Variants in MAGI1 observed in about 807,000 individuals in gnomAD.
MAGI1 encodes the protein membrane associated guanylate kinase, WW and PDZ domain containing 1.
A neutral mutation model predicts 139.9 loss-of-function variants in MAGI1; 58 were observed. The ratio of observed to expected loss-of-function variants is 0.41; its 90% CI spans 0.34 to 0.52. The LOEUF (loss-of-function observed/expected upper bound fraction) is 0.52. Among genes scored for constraint, MAGI1 ranks in the 20% least tolerant of loss-of-function variants. The pLI, the probability that MAGI1 is intolerant of heterozygous loss-of-function variation, is 0.12. For missense variants in MAGI1, 1,874 were observed against 1,901.6 expected (o/e 0.99, Z 0.27); for synonymous variants, 812 against 737.9 (o/e 1.10, Z -1.63).
chr3:65,753,115 A>G (rs1485148484), intron 1 of MAGI1, among the ~76,000 whole-genome samples: 2 of 152,176 alleles, frequency 1.3e-5, no homozygotes, highest in African/African-American at 4.8e-5. Flanking sequence ...AACTTACGTC[A>G]TAGTGCAACA....
intron 1 of MAGI1, among the ~76,000 whole-genome samples, chr3:65,884,005 G>C (rs539728239): frequency 6.6e-6 from 1 of 152,222 alleles, no homozygotes; most frequent in South Asian, 2.1e-4. Flanking sequence ...AAATCAGAAA[G>C]AAGGAAAATG....
At chr3:65,932,010 G>C (rs1206579496) in intron 1 of MAGI1, among the ~76,000 whole-genome samples, 1 of 152,146 alleles carries the variant, frequency 6.6e-6, no homozygotes, top group Non-Finnish European at 1.5e-5. Flanking sequence ...ATCAGCCACA[G>C]AGATAAATCA....
intron 1 of MAGI1, among the ~76,000 whole-genome samples, chr3:65,817,699 T>C (rs964702943): frequency 6.6e-6 from 1 of 152,218 alleles, no homozygotes; most frequent in African/African-American, 2.4e-5. Flanking sequence ...TCAGTTGCTT[T>C]GAGGACACAA....
At chr3:65,372,384 A>G (rs1000838429) in intron 18 of MAGI1, among the ~76,000 whole-genome samples, 4 of 152,128 alleles carry the variant, frequency 2.6e-5, no homozygotes, top group Non-Finnish European at 5.9e-5. Flanking sequence ...TACTCAATAA[A>G]CCACAGCACA....
At chr3:65,830,805 C>A (rs1347699557) in intron 1 of MAGI1, among the ~76,000 whole-genome samples, 4 of 152,068 alleles carry the variant, frequency 2.6e-5, no homozygotes, top group Non-Finnish European at 5.9e-5. Flanking sequence ...AACAATGGGA[C>A]CTCCATTGTT....
chr3:65,725,720 G>A (rs1292713051), intron 1 of MAGI1, among the ~76,000 whole-genome samples: 3 of 152,184 alleles, frequency 2.0e-5, no homozygotes, highest in African/African-American at 7.2e-5. Flanking sequence ...CCAGATCCTG[G>A]AATAAGTAGC....
chr3:66,015,918 G>A (rs1345646484), intron 1 of MAGI1, among the ~76,000 whole-genome samples: 1 of 152,150 alleles, frequency 6.6e-6, no homozygotes. Flanking sequence ...TGACTAAATT[G>A]AGACTTCAAG....
rs375272067 is a variant in MAGI1 at position 65,930,992 on chromosome 3, T to G, written c.313+107004A>C. ...AAATAGCCAACAATCAGTCCATGCT[T>G]CTGCTCTGCCTACGAAGTAGCTATT... On this transcript the variant is annotated intron_variant, in intron 1 of 22. Coordinates refer to ENST00000402939, the MANE Select transcript of MAGI1 (RefSeq NM_001033057.2). Among the ~76,000 whole-genome samples the G allele has an allele frequency of 2.6e-4, 39 of 152,120 alleles. No individual in the cohort carries two copies. The East Asian group carries it at 5.6e-3, about 22-fold the overall frequency.
intron 14 of MAGI1, among the ~76,000 whole-genome samples, chr3:65,390,632 C>T (rs542210363): frequency 6.6e-6 from 1 of 152,214 alleles, no homozygotes; most frequent in South Asian, 2.1e-4. Flanking sequence ...TAAAGCACAA[C>T]CACTCACTGC....
intron 1 of MAGI1, among the ~76,000 whole-genome samples, chr3:65,661,576 C>G (rs905998251): frequency 9.9e-5 from 15 of 152,064 alleles, no homozygotes; most frequent in Non-Finnish European, 2.1e-4. Flanking sequence ...CTTGAGCAAG[C>G]CACTTCTTGT....
chr3:65,736,684 A>T (rs1342502753), intron 1 of MAGI1, among the ~76,000 whole-genome samples: 1 of 152,176 alleles, frequency 6.6e-6, no homozygotes, highest in Non-Finnish European at 1.5e-5. Flanking sequence ...AGAGAGAACA[A>T]GTTCGCCCTT....
At chr3:65,995,570 T>G (rs887872669) in intron 1 of MAGI1, among the ~76,000 whole-genome samples, 7 of 152,040 alleles carry the variant, frequency 4.6e-5, no homozygotes, top group African/African-American at 1.4e-4. Context: ...AGATCCTAAA[T>G]GTATCACGAG....
chr3:65,852,202 C>T (rs2059228728), intron 1 of MAGI1, among the ~76,000 whole-genome samples: 2 of 152,122 alleles, frequency 1.3e-5, no homozygotes, highest in Admixed American at 6.5e-5. Flanking sequence ...AGGAAGAAAT[C>T]CTTGCCAAGG....
intron 1 of MAGI1, among the ~76,000 whole-genome samples, chr3:65,637,397 G>A (rs1039286416): frequency 6.6e-6 from 1 of 151,752 alleles, no homozygotes; most frequent in Non-Finnish European, 1.5e-5. Flanking sequence ...TAAAAAAAAT[G>A]TAAAAAATTA....
intron 18 of MAGI1, among the ~76,000 whole-genome samples, chr3:65,370,254 C>T (rs912267022): frequency 3.9e-5 from 6 of 152,032 alleles, no homozygotes; most frequent in African/African-American, 1.2e-4. Flanking sequence ...GGTGACACAG[C>T]GAGACTCCGT....
At chr3:65,701,343 C>G (rs953734496) in intron 1 of MAGI1, among the ~76,000 whole-genome samples, 2 of 152,148 alleles carry the variant, frequency 1.3e-5, no homozygotes, top group African/African-American at 4.8e-5. Context: ...ACCTCCACCT[C>G]CCGGGGTCAA....
At chr3:66,010,342 T>C (rs1576451738) in intron 1 of MAGI1, among the ~76,000 whole-genome samples, 1 of 152,176 alleles carries the variant, frequency 6.6e-6, no homozygotes, top group Non-Finnish European at 1.5e-5. Context: ...GGGCTCCCAA[T>C]ATGCATATCC....
At chr3:65,535,210 C>A (rs1344141727) in intron 2 of MAGI1, among the ~76,000 whole-genome samples, 4 of 152,032 alleles carry the variant, frequency 2.6e-5, no homozygotes, top group African/African-American at 9.7e-5. Flanking sequence ...GTTCTAATAC[C>A]AGCTCATTAA....
intron 1 of MAGI1, among the ~76,000 whole-genome samples, chr3:65,849,485 A>ATATATATC (rs1491418139): frequency 1.0e-4 from 14 of 140,572 alleles, no homozygotes; most frequent in East Asian, 4.0e-4. Context: ...ATATATATAT[A>ATATATATC]TCATCAAATA....
Sources: gnomAD v4.1 joint callset for allele counts (sites outside exome capture counted in the v4.1 genomes callset) on GRCh38, gnomAD v4.1.1 for gene constraint, MANE v1.5 for transcripts, NCBI Gene and HGNC (gene_info 2026-07-23, HGNC 2026-07-21) for gene names.